The following BBS9 variants were observed in gnomAD, a reference collection of about 807,000 sequenced individuals.
BBS9 encodes Bardet-Biedl syndrome 9.
BBS9 carries 89 observed loss-of-function variants against 117.7 expected under a neutral mutation model. That is an observed-to-expected ratio of 0.76 (90% confidence interval 0.64 to 0.90). BBS9 has a LOEUF of 0.90. BBS9 is among the 40% of genes least tolerant of loss of function. The pLI is 0.00. For missense variants in BBS9, 982 were observed against 1,042.2 expected, an observed-to-expected ratio of 0.94 and a Z score of 0.80; for synonymous variants, 379 against 370.9, an observed-to-expected ratio of 1.02 and a Z score of -0.25.
intron 17 of BBS9, among the ~76,000 whole-genome samples, chr7:33,372,918 A>G (rs1210598159): frequency 6.6e-6 from 1 of 152,108 alleles, no homozygotes; most frequent in Non-Finnish European, 1.5e-5. Flanking sequence ...CATTTCTTGT[A>G]AGTTATCCAG....
chr7:33,591,527 C>T (rs911760470), intron 21 of BBS9, among the ~76,000 whole-genome samples: 1 of 152,052 alleles, frequency 6.6e-6, no homozygotes, highest in Admixed American at 6.6e-5. Flanking sequence ...GACTTGCCAA[C>T]ACCCGTAAAG....
intron 17 of BBS9, among the ~76,000 whole-genome samples, chr7:33,376,895 C>CT (rs993798555): frequency 9.3e-5 from 14 of 150,496 alleles, no homozygotes; most frequent in African/African-American, 2.9e-4. Context: ...AATGGGGTTG[C>CT]TTTTTTTTTC....
intron 21 of BBS9, 120 bp downstream of exon 21, chr7:33,534,296 G>A: frequency 9.3e-7 from 1 of 1,079,302 alleles, no homozygotes; most frequent in Non-Finnish European, 1.4e-6. Flanking sequence ...CAAGAAAATT[G>A]ATTTCACGTT....
intron 21 of BBS9, among the ~76,000 whole-genome samples, chr7:33,590,931 T>G (rs994693152): frequency 2.0e-5 from 3 of 152,054 alleles, no homozygotes; most frequent in African/African-American, 7.2e-5. Flanking sequence ...GCCATGCTTT[T>G]GAAGCAACTG....
At chr7:33,500,426 G>A (rs763344352) in intron 19 of BBS9, among the ~76,000 whole-genome samples, 6 of 152,220 alleles carry the variant, frequency 3.9e-5, no homozygotes, top group Non-Finnish European at 7.3e-5. Context: ...TAGAATCCTA[G>A]CCCTTATCTT....
chr7:33,213,974 T>C (rs565535559), intron 5 of BBS9, among the ~76,000 whole-genome samples: 6 of 152,284 alleles, frequency 3.9e-5, no homozygotes, highest in Admixed American at 3.9e-4. Flanking sequence ...GCCACTCCCC[T>C]AGCCACCCCG....
At chr7:33,444,691 T>C (rs1372300155) in intron 19 of BBS9, among the ~76,000 whole-genome samples, 1 of 152,140 alleles carries the variant, frequency 6.6e-6, no homozygotes, top group Non-Finnish European at 1.5e-5. Flanking sequence ...TATGCCAGGG[T>C]CAAGGCTTAG....
At chr7:33,208,855 G>A (rs1298316996) in intron 5 of BBS9, among the ~76,000 whole-genome samples, 1 of 151,576 alleles carries the variant, frequency 6.6e-6, no homozygotes, top group Non-Finnish European at 1.5e-5. Flanking sequence ...ATATTTATGG[G>A]GTACATGAGA....
At chr7:33,379,646 G>C (rs1307403168) in intron 17 of BBS9, among the ~76,000 whole-genome samples, 1 of 152,184 alleles carries the variant, frequency 6.6e-6, no homozygotes, top group Non-Finnish European at 1.5e-5. Flanking sequence ...TATCTGCTAT[G>C]TGAAAGTTAC....
At chr7:33,227,720 A>AT (rs1791571201) in intron 5 of BBS9, among the ~76,000 whole-genome samples, 1 of 151,998 alleles carries the variant, frequency 6.6e-6, no homozygotes, top group East Asian at 1.9e-4. Context: ...TTGGTTTTCT[A>AT]TTTCTGAATT....
chr7:33,260,729 C>T (rs1583941210), intron 6 of BBS9, among the ~76,000 whole-genome samples: 1 of 152,160 alleles, frequency 6.6e-6, no homozygotes, highest in African/African-American at 2.4e-5. Flanking sequence ...TACTTCAGTC[C>T]ATTTGTCATA....
chr7:33,399,377 C>A (rs995367102), intron 19 of BBS9, among the ~76,000 whole-genome samples: 9 of 152,180 alleles, frequency 5.9e-5, no homozygotes, highest in African/African-American at 1.9e-4. Flanking sequence ...CTCGTAAAAA[C>A]TATACATTCA....
chr7:33,514,901 A>G (rs1847509703), intron 20 of BBS9, among the ~76,000 whole-genome samples: 1 of 152,224 alleles, frequency 6.6e-6, no homozygotes, highest in Admixed American at 6.5e-5. Flanking sequence ...GCATGACCCC[A>G]TTTGGCATCT....
At chr7:33,346,286 T>A in intron 12 of BBS9, 2 of 470,178 alleles carry the variant, frequency 4.3e-6, no homozygotes, top group South Asian at 1.6e-5. Context: ...ATTGAGAAAA[T>A]TTTTCCATCC....
At chr7:33,507,998 T>C (rs1157746463) in intron 20 of BBS9, among the ~76,000 whole-genome samples, 2 of 152,196 alleles carry the variant, frequency 1.3e-5, no homozygotes, top group Non-Finnish European at 2.9e-5. Context: ...TTACCATTGG[T>C]CTTTGTAATG....
At chr7:33,450,271 C>A (rs923634888) in intron 19 of BBS9, among the ~76,000 whole-genome samples, 1 of 152,120 alleles carries the variant, frequency 6.6e-6, no homozygotes, top group African/African-American at 2.4e-5. Flanking sequence ...CTTTATTCAT[C>A]TTTGGATGGA....
At chr7:33,263,327 T>C (rs1583958060) in intron 6 of BBS9, among the ~76,000 whole-genome samples, 1 of 152,220 alleles carries the variant, frequency 6.6e-6, no homozygotes, top group Non-Finnish European at 1.5e-5. Flanking sequence ...TTCATTCAGG[T>C]CCCTGATTTT....
intron 5 of BBS9, among the ~76,000 whole-genome samples, chr7:33,187,837 G>T (rs1006034890): frequency 6.6e-6 from 1 of 151,904 alleles, no homozygotes; most frequent in Non-Finnish European, 1.5e-5. Context: ...AGGAGAAATC[G>T]CTTGAACCCA....
chr7:33,231,282 G>A (rs771245994), intron 5 of BBS9, among the ~76,000 whole-genome samples: 1 of 152,062 alleles, frequency 6.6e-6, no homozygotes, highest in Non-Finnish European at 1.5e-5. Context: ...AGGACTACAG[G>A]CATGTGCCAC....
Sources: gnomAD v4.1 joint callset for allele counts (sites outside exome capture counted in the v4.1 genomes callset) on GRCh38, gnomAD v4.1.1 for gene constraint, MANE v1.5 for transcripts, NCBI Gene and HGNC (gene_info 2026-07-23, HGNC 2026-07-21) for gene names.